The following NFIB variants were observed in gnomAD, a reference collection of about 807,000 sequenced individuals.
NFIB encodes the protein nuclear factor I B.
In NFIB, 11 loss-of-function variants were observed where a neutral mutation model predicts 61.5. The observed-to-expected ratio is 0.18, with a 90% CI of 0.11 to 0.30. NFIB has a LOEUF of 0.30. Among genes scored for constraint, NFIB ranks in the 10% least tolerant of loss-of-function variants. The pLI is 1.00. For synonymous variants in NFIB, 260 were observed against 216.5 expected (o/e 1.20, Z -1.76); for missense variants, 471 against 608.9 (o/e 0.77, Z 2.38).
At chr9:14,280,386 T>G (rs908867249) in intron 2 of NFIB, among the ~76,000 whole-genome samples, 22 of 152,258 alleles carry the variant, frequency 1.4e-4, no homozygotes, top group African/African-American at 5.3e-4. Flanking sequence ...TAAAAGAGTA[T>G]CTACATTCAC....
chr9:14,394,564 G>A (rs576956780), intron 1 of NFIB, among the ~76,000 whole-genome samples: 4 of 152,178 alleles, frequency 2.6e-5, no homozygotes, highest in Non-Finnish European at 5.9e-5. Context: ...CATAAGAACA[G>A]TATGGGGAAA....
chr9:14,096,805 G>T (rs1164537580), intron 10 of NFIB, among the ~76,000 whole-genome samples: 1 of 152,160 alleles, frequency 6.6e-6, no homozygotes, highest in Non-Finnish European at 1.5e-5. Context: ...ATGGAGCATG[G>T]TTAATTTAGA....
intron 3 of NFIB, among the ~76,000 whole-genome samples, chr9:14,161,501 G>T (rs143504159): frequency 3.1e-4 from 46 of 149,992 alleles, no homozygotes; most frequent in African/African-American, 1.1e-3. Flanking sequence ...AACTTTTTCC[G>T]CATATATATA....
chr9:14,343,351 G>A (rs1415965593), intron 1 of NFIB, among the ~76,000 whole-genome samples: 1 of 152,184 alleles, frequency 6.6e-6, no homozygotes, highest in Non-Finnish European at 1.5e-5. Flanking sequence ...GGGCGGGGGA[G>A]AGTGCTTATG....
chr9:14,512,628 C>T, the NFIB span, among the ~76,000 whole-genome samples: 1 of 152,014 alleles, frequency 6.6e-6, no homozygotes, highest in Non-Finnish European at 1.5e-5. Context: ...TATTATCATG[C>T]TTTTAATGTA....
intron 2 of NFIB, among the ~76,000 whole-genome samples, chr9:14,299,878 G>A (rs2059657336): frequency 6.6e-6 from 1 of 152,076 alleles, no homozygotes; most frequent in Non-Finnish European, 1.5e-5. Context: ...AAAATGTGTG[G>A]CTTTCAATTC....
rs112641437 is a variant in NFIB, at chr9:14,120,967, T to C, written c.1061-343A>G. Among the ~76,000 whole-genome samples, 441 of 152,312 alleles carry C rather than the reference T, an allele frequency of 2.9e-3. 3 individuals carry two copies. Among genetic ancestry groups the C allele is most frequent in the African/African-American group, 0.01 (425 of 41,574 alleles). ...ATCCCGTTGAAAACATATTCTTTGA[T>C]TATAAAATCTTTAGGCCGGGTGCAG... On this transcript the variant is annotated intron_variant, in intron 7 of 10. Transcript: ENST00000380953. This position sits in a 1 kb window ranked among gnomAD's most constrained non-coding sequence, Gnocchi z 4.4.
chr9:14,302,592 C>A lies in NFIB; in HGVS notation c.562+4397G>T, dbSNP rs573052782. 4.6e-5 allele frequency among the ~76,000 whole-genome samples: 7 copies of A among 152,130 alleles called. No individual in the cohort carries two copies. The East Asian group carries it at 1.3e-3, about 29-fold the overall frequency. The stretch of plus-strand genomic sequence containing the variant: ...AGAGTGCAAAGTACAGTCCAAAAAT[C>A]AGTTAGGGTGACTCATTTTAAACTC... On this transcript the variant is annotated intron_variant, in intron 2 of 10. Coordinates refer to ENST00000380953, the MANE Select transcript of NFIB (RefSeq NM_001190737.2).
the NFIB span, among the ~76,000 whole-genome samples, chr9:14,527,092 G>C: frequency 6.6e-6 from 1 of 152,194 alleles, no homozygotes; most frequent in South Asian, 2.1e-4. Context: ...GAAGATTAAT[G>C]TATTTTACCA....
intron 2 of NFIB, among the ~76,000 whole-genome samples, chr9:14,187,949 C>T (rs1463761007): frequency 6.6e-6 from 1 of 152,134 alleles, no homozygotes; most frequent in African/African-American, 2.4e-5. Flanking sequence ...CCAACCCACC[C>T]CCCACAACAA....
At chr9:14,519,884 A>G in the NFIB span, among the ~76,000 whole-genome samples, 1 of 152,196 alleles carries the variant, frequency 6.6e-6, no homozygotes, top group African/African-American at 2.4e-5. Context: ...GCCCTTAACC[A>G]TAATGCTATT....
chr9:14,344,411 A>AGG (rs71321981), intron 1 of NFIB, among the ~76,000 whole-genome samples: 28 of 145,944 alleles, frequency 1.9e-4, no homozygotes, highest in African/African-American at 4.8e-4. Context: ...TTGTCTCAGA[A>AGG]GGGGGGGGTA....
chr9:14,234,775 T>A (rs4741353), intron 2 of NFIB, among the ~76,000 whole-genome samples: 82,216 of 149,750 alleles, frequency 0.55, 23,233 homozygotes, highest in East Asian at 0.7. Context: ...TTGGTGGTGC[T>A]GGCATTTGTT....
intron 6 of NFIB, among the ~76,000 whole-genome samples, chr9:14,126,275 TGG>T (rs1357367665): frequency 1.3e-5 from 2 of 152,246 alleles, no homozygotes; most frequent in Non-Finnish European, 2.9e-5. Flanking sequence ...AAACGTTTAC[TGG>T]GTTTCTGTAC....
intron 6 of NFIB, among the ~76,000 whole-genome samples, chr9:14,129,228 A>G (rs147996484): frequency 6.6e-6 from 1 of 152,266 alleles, no homozygotes; most frequent in East Asian, 1.9e-4. Flanking sequence ...TGCTTTAGAG[A>G]CAGGTGAAGA....
the NFIB span, among the ~76,000 whole-genome samples, chr9:14,417,840 G>A: frequency 7.6e-5 from 11 of 145,480 alleles, no homozygotes; most frequent in Non-Finnish European, 1.6e-4. Context: ...GAATGCAATG[G>A]TGCGATCTCG....
intron 2 of NFIB, among the ~76,000 whole-genome samples, chr9:14,197,207 T>G (rs1210437002): frequency 6.6e-6 from 1 of 152,238 alleles, no homozygotes; most frequent in African/African-American, 2.4e-5. Context: ...TAGAAAAACC[T>G]TGATTTTTCA....
intron 6 of NFIB, among the ~76,000 whole-genome samples, chr9:14,142,153 C>A (rs926718797): frequency 2.0e-5 from 3 of 152,112 alleles, no homozygotes; most frequent in African/African-American, 7.2e-5. Flanking sequence ...TGTGTCCCCA[C>A]CCAAATCTCA....
intron 3 of NFIB, among the ~76,000 whole-genome samples, chr9:14,175,280 T>C (rs1229979591): frequency 7.0e-6 from 1 of 143,850 alleles, no homozygotes; most frequent in Non-Finnish European, 1.5e-5. Flanking sequence ...TTCACGCCAC[T>C]CTCCTGCCTC....
Sources: allele counts gnomAD v4.1 joint callset (sites outside exome capture counted in the v4.1 genomes callset), GRCh38; gene constraint gnomAD v4.1.1; non-coding constraint Gnocchi (gnomAD v3.1); transcripts MANE v1.5; gene names NCBI Gene and HGNC (gene_info 2026-07-23, HGNC 2026-07-21).